Variants in INSR observed in about 807,000 individuals in gnomAD.
INSR encodes the protein IR.
A neutral mutation model predicts 142.6 loss-of-function variants in INSR; 67 were observed. The ratio of observed to expected loss-of-function variants is 0.47; its 90% CI spans 0.39 to 0.58. The LOEUF (loss-of-function observed/expected upper bound fraction) is 0.58, where lower values mean the gene tolerates loss of function less well. Ranked by LOEUF, INSR falls within the 20% of genes least tolerant of loss-of-function variation. The probability of loss-of-function intolerance (pLI) is 0.00; values close to 1 mark genes in which losing one functional copy is unlikely to be tolerated. For missense variants in INSR, 1,248 were observed against 1,833.2 expected (o/e 0.68, Z 5.83); for synonymous variants, 756 against 743.1 (o/e 1.02, Z -0.28).
chr19:7,172,358 G>C lies in INSR; in HGVS notation c.1200C>G (p.Ser400=). 1 of 1,614,128 alleles carries C rather than the reference G, an allele frequency of 6.2e-7. No individual in the cohort carries two copies. Among genetic ancestry groups the C allele is most frequent in the Non-Finnish European group, 8.5e-7 (1 of 1,180,018 alleles). Residue 400 remains serine (S), a synonymous_variant, in exon 5 of 22, where the codon TCC becomes TCG. Transcript: ENST00000302850. ...EISGYLKIRR[S]YALVSLSFFR... Reference sequence around the variant, plus strand: ...AGAAGGAAAGTGACACCAGAGCGTAGGATCGGCGGATTTTTAGATACCCTG... The same window carrying C: ...AGAAGGAAAGTGACACCAGAGCGTACGATCGGCGGATTTTTAGATACCCTG...
Position 7,267,355 on chromosome 19 carries a change from G to A in INSR, c.642C>T (p.His214=). 1.2e-6 allele frequency: 2 copies of A among 1,614,186 alleles called. No individual in the cohort carries two copies. Among genetic ancestry groups the A allele is most frequent in the Non-Finnish European group, 1.7e-6 (2 of 1,180,020 alleles). ...QFVERCWTHS[H]CQKVCPTICK... The stretch of plus-strand genomic sequence containing the variant: ...GTATCCCCGGCGTACCTTTCTGGCA[G>A]TGACTATGAGTCCAACATCGTTCGA... The change falls in exon 2 of 22, where the codon CAC becomes CAT. Residue 214 remains histidine, a synonymous_variant. Coordinates refer to ENST00000302850, the MANE Select transcript of INSR (RefSeq NM_000208.4). The surrounding 1 kb of genome is among the most constrained non-coding windows in gnomAD (Gnocchi z 6.3).
Position 7,120,592 on chromosome 19 carries a change from TCCATCCAC to T in INSR, c.3659+20_3659+27del. On this transcript the variant is annotated intron_variant, in intron 20 of 21. Transcript: ENST00000302850. ...TAGCACCTGGAATTCAAGCCCAGCG[TCCATCCAC>T]CCATCCACACACAACTCACCACATG... The T allele has an allele frequency of 6.2e-7, 1 of 1,613,520 alleles. No individual in the cohort carries two copies. The highest frequency in any genetic ancestry group is 8.5e-7 in the Non-Finnish European group (1 of 1,179,634).
intron 13 of INSR, among the ~76,000 whole-genome samples, chr19:7,133,247 G>A (rs1972829637): frequency 1.3e-5 from 2 of 152,188 alleles, no homozygotes; most frequent in Admixed American, 1.3e-4. Context: ...GGGTGACAGA[G>A]CTAGACCCTG....
Position 7,158,053 on chromosome 19 carries a change from ATTATTATTATT to A in INSR, c.2029+4968_2029+4978del, listed in dbSNP as rs1331570479. ...AATAAGGGAAGCTCCTGGTATTATT[ATTATTATTATT>A]ATTATTATTATTATTATTATTATTA... On this transcript the variant is annotated intron_variant, in intron 9 of 21. Coordinates refer to ENST00000302850, the MANE Select transcript of INSR (RefSeq NM_000208.4). Among the ~76,000 whole-genome samples, 494 of 77,676 alleles carry A rather than the reference ATTATTATTATT, an allele frequency of 6.4e-3. 2 individuals carry two copies. Among genetic ancestry groups the A allele is most frequent in the African/African-American group, 0.017 (429 of 25,750 alleles). 51.0% of individuals were successfully genotyped at this position (77,676 alleles called of 152,430 possible).
intron 1 of INSR, chr19:7,268,531 C>T (rs1967812138): frequency 3.0e-6 from 3 of 985,220 alleles, no homozygotes; most frequent in African/African-American, 3.5e-5. Flanking sequence ...TCCCCATCAT[C>T]CTGCACTTCC....
chr19:7,290,763 C>T (rs1470079968), intron 1 of INSR, among the ~76,000 whole-genome samples: 3 of 131,764 alleles, frequency 2.3e-5, no homozygotes, highest in Non-Finnish European at 4.7e-5. Flanking sequence ...GACACCCTGT[C>T]TCAAAAAAAA....
At chr19:7,292,185 G>A (rs1568242444) in intron 1 of INSR, among the ~76,000 whole-genome samples, 1 of 151,478 alleles carries the variant, frequency 6.6e-6, no homozygotes, top group Admixed American at 6.6e-5. Flanking sequence ...CCTCCTCCCG[G>A]GTTCAAGCAA....
chr19:7,219,876 C>T (rs572072902), intron 2 of INSR, among the ~76,000 whole-genome samples: 14 of 151,626 alleles, frequency 9.2e-5, no homozygotes, highest in Non-Finnish European at 1.5e-4. Context: ...TACATGGTGG[C>T]ACCTGGATTA....
rs190599092 is a variant in INSR, at chr19:7,172,583, C to T, written c.1124-149G>A. 2.9e-5 allele frequency: 25 copies of T among 862,932 alleles called. 1 individual carries two copies. The Admixed American group carries it at 4.4e-4, about 15-fold the overall frequency. 53.5% of individuals were successfully genotyped at this position (862,932 alleles called of 1,614,324 possible). A position where few individuals can be genotyped will look rare whatever the true frequency, so the allele number is the denominator to read the frequency against. The stretch of plus-strand genomic sequence containing the variant: ...TCATGCTTAGAACACAATCTGAAGT[C>T]CTTAGCATTCCTTAAATGGGTCAAG... On this transcript the variant is annotated intron_variant, in intron 4 of 21. Transcript: ENST00000302850.
intron 2 of INSR, among the ~76,000 whole-genome samples, chr19:7,261,563 CTCTG>C (rs67020173): frequency 0.17 from 25,541 of 151,780 alleles, 2,711 homozygotes; most frequent in Middle Eastern, 0.25. Context: ...TGGAGTTTCA[CTCTG>C]TCGGCCAGGC....
chr19:7,166,909 ACT>A lies in INSR; in HGVS notation c.1611-507_1611-506del, dbSNP rs1973902412. ...ACTCCAGCCTGGGCGACAAAGGGAG[ACT>A]CTGTTTCAAAAACATAAATAAATAA... On this transcript the variant is annotated intron_variant, in intron 7 of 21. Transcript: ENST00000302850. This position sits in a 1 kb window ranked among gnomAD's most constrained non-coding sequence, Gnocchi z 4.1. Among the ~76,000 whole-genome samples the A allele has an allele frequency of 6.6e-6, 1 of 150,416 alleles. No homozygotes were observed. The highest frequency in any genetic ancestry group is 1.5e-5 in the Non-Finnish European group (1 of 67,776).
intron 1 of INSR, among the ~76,000 whole-genome samples, chr19:7,272,052 C>T (rs1967940067): frequency 6.6e-6 from 1 of 152,068 alleles, no homozygotes; most frequent in Non-Finnish European, 1.5e-5. Flanking sequence ...CGCCTGTAAT[C>T]CCAGCACTGC....
At chr19:7,187,880 A>G (rs1043467760) in intron 2 of INSR, among the ~76,000 whole-genome samples, 1 of 152,072 alleles carries the variant, frequency 6.6e-6, no homozygotes, top group Non-Finnish European at 1.5e-5. Flanking sequence ...CACAATTCCA[A>G]TGTTTACTAG....
intron 2 of INSR, among the ~76,000 whole-genome samples, chr19:7,188,870 CAAAAA>C (rs10549803): frequency 2.8e-5 from 2 of 71,824 alleles, no homozygotes; most frequent in African/African-American, 1.0e-4. Flanking sequence ...GACTCTATCT[CAAAAA>C]AAAAAAAAAA....
chr19:7,114,645 T>A lies in INSR; in HGVS notation c.*2411A>T, dbSNP rs186698305. 1.3e-5 allele frequency: 2 copies of A among 152,738 alleles called. No individual in the cohort carries two copies. Among genetic ancestry groups the A allele is most frequent in the Non-Finnish European group, 2.9e-5 (2 of 68,026 alleles). The allele number at this position is 152,738 out of a possible 1,614,324, so 9.5% of individuals were successfully genotyped here. A position where few individuals can be genotyped will look rare whatever the true frequency, so the allele number is the denominator to read the frequency against. On this transcript the variant is annotated 3_prime_UTR_variant, in exon 22 of 22. Transcript: ENST00000302850. ...AGATGTCCATGATTGAATCACATCTTAACAATACACTGAGGTAGACTGTGC... is the reference window on the plus strand; with the variant it reads ...AGATGTCCATGATTGAATCACATCTAAACAATACACTGAGGTAGACTGTGC...
chr19:7,125,274 T>C lies in INSR; in HGVS notation c.3258+9A>G. ...AAGCCAGCCCATGTCCCACCCCCACTGGACTCACCACGTGATGGCAGGTGA... is the reference window on the plus strand; with the variant it reads ...AAGCCAGCCCATGTCCCACCCCCACCGGACTCACCACGTGATGGCAGGTGA... On this transcript the variant is annotated intron_variant, in intron 17 of 21. Transcript: ENST00000302850. This position sits in a 1 kb window ranked among gnomAD's most constrained non-coding sequence, Gnocchi z 4.9. 6.2e-7 allele frequency: 1 copy of C among 1,613,926 alleles called. No individual in the cohort carries two copies. Among genetic ancestry groups the C allele is most frequent in the Non-Finnish European group, 8.5e-7 (1 of 1,179,988 alleles).
chr19:7,117,452 C>T (rs1221875480), intron 21 of INSR, 42 bp from the exon 22 acceptor site: 3 of 1,481,020 alleles, frequency 2.0e-6, no homozygotes, highest in South Asian at 2.4e-5. Flanking sequence ...TCTGGGGGCC[C>T]TGCCACGCAT....
At position 7,208,681 on chromosome 19, in the gene INSR, A is replaced by T. The variant is rs139730833; in HGVS notation, c.653-24044T>A. On this transcript the variant is annotated intron_variant, in intron 2 of 21. Transcript: ENST00000302850. ...GCCCAGGAGCTCGAGACCAGCTTAGATAACATGGCAAAACCCTGTCTCGGC... is the reference window on the plus strand; with the variant it reads ...GCCCAGGAGCTCGAGACCAGCTTAGTTAACATGGCAAAACCCTGTCTCGGC... Among the ~76,000 whole-genome samples, 392 of 152,186 alleles carry T rather than the reference A, an allele frequency of 2.6e-3. 1 individual carries two copies. Among genetic ancestry groups the T allele is most frequent in the African/African-American group, 9.2e-3 (383 of 41,528 alleles).
Position 7,126,603 on chromosome 19 carries a change from C to A in INSR, c.2994G>T (p.Glu998Asp). ...ACTCACCATCACTGGCACTGAGATACTCAGGGTTTGAAGAAGCGTAAAGCG... is the reference window on the plus strand; with the variant it reads ...ACTCACCATCACTGGCACTGAGATAATCAGGGTTTGAAGAAGCGTAAAGCG... ...LGPLYASSNPEYLSASDVFPC... is the reference protein window; with the variant it reads ...LGPLYASSNPDYLSASDVFPC... The change falls in exon 16 of 22, where the codon GAG (glutamate) becomes GAT (aspartate). Residue 998 changes from glutamate (E) to aspartate (D), a missense_variant. Around this residue, in one of 3 missense-constraint regions of INSR, gnomAD observed 1,069 missense variants for 1,654.0 expected, o/e 0.65. Coordinates refer to ENST00000302850, the MANE Select transcript of INSR (RefSeq NM_000208.4). 6.4e-7 allele frequency: 1 copy of A among 1,563,092 alleles called. No individual in the cohort carries two copies. Among genetic ancestry groups the A allele is most frequent in the Non-Finnish European group, 8.7e-7 (1 of 1,152,052 alleles).
Sources: gnomAD v4.1 joint callset for allele counts (sites outside exome capture counted in the v4.1 genomes callset) on GRCh38, gnomAD v4.1.1 for gene constraint, gnomAD v4.1.1 regional missense constraint, Gnocchi (gnomAD v3.1) non-coding constraint, MANE v1.5 for transcripts, NCBI Gene and HGNC (gene_info 2026-07-23, HGNC 2026-07-21) for gene names.